SCARA5: variants seen among roughly 807,000 people sequenced by gnomAD.
The protein encoded by SCARA5 is scavenger receptor class A, member 5 (putative).
Under a neutral mutation model 46.3 loss-of-function variants are expected in SCARA5, and 45 were observed. The ratio of observed to expected loss-of-function variants is 0.97; its 90% CI spans 0.76 to 1.24. The LOEUF (loss-of-function observed/expected upper bound fraction) is 1.24. Ranked by LOEUF, SCARA5 falls within the 50% of genes most tolerant of loss-of-function variation. The pLI, the probability that SCARA5 is intolerant of heterozygous loss-of-function variation, is 0.00. For synonymous variants in SCARA5, 333 were observed against 306.5 expected, an observed-to-expected ratio of 1.09 and a Z score of -0.90; for missense variants, 680 against 689.0, an observed-to-expected ratio of 0.99 and a Z score of 0.15.
At chr8:27,881,693 A>T (rs1043759082) in intron 7 of SCARA5, among the ~76,000 whole-genome samples, 3 of 152,208 alleles carry the variant, frequency 2.0e-5, no homozygotes, top group African/African-American at 4.8e-5. Flanking sequence ...GAAATAATAA[A>T]CAATAAAATA....
chr8:27,908,025 G>A (rs900939784), intron 5 of SCARA5, among the ~76,000 whole-genome samples: 3 of 152,096 alleles, frequency 2.0e-5, no homozygotes, highest in African/African-American at 7.2e-5. Flanking sequence ...GAGAGATTAA[G>A]TAACTGCCCA....
At position 27,965,053 on chromosome 8, in the gene SCARA5, T is replaced by C. The variant is rs574944765; in HGVS notation, c.241+1361A>G. Among the ~76,000 whole-genome samples, 5 of 152,262 alleles carry C rather than the reference T, an allele frequency of 3.3e-5. No homozygotes were observed. In the South Asian group the frequency reaches 1.0e-3, roughly 32 times the overall value. On this transcript the variant is annotated intron_variant, in intron 3 of 8. Coordinates refer to ENST00000354914, the MANE Select transcript of SCARA5 (RefSeq NM_173833.6). ...GCCTGCGAGGGACCCTGCTGGCCCC[T>C]GTCCTCTGGTCCCAGGGATGAATAA...
intron 2 of SCARA5, among the ~76,000 whole-genome samples, chr8:27,981,482 G>A (rs964741672): frequency 6.6e-6 from 1 of 152,204 alleles, no homozygotes; most frequent in Non-Finnish European, 1.5e-5. Context: ...AGCCGGAGGA[G>A]TAAGTGCTCC....
chr8:27,935,656 C>T (rs537420860), intron 3 of SCARA5, among the ~76,000 whole-genome samples: 6 of 152,314 alleles, frequency 3.9e-5, no homozygotes, highest in African/African-American at 1.4e-4. Flanking sequence ...GATCTCAGCA[C>T]TGCCCAGCCA....
intron 3 of SCARA5, among the ~76,000 whole-genome samples, chr8:27,925,099 G>A (rs1383057951): frequency 6.6e-6 from 1 of 152,206 alleles, no homozygotes; most frequent in Non-Finnish European, 1.5e-5. Context: ...TCCCCATCAA[G>A]CTACCAATGA....
At chr8:27,947,884 A>G (rs949893661) in intron 3 of SCARA5, among the ~76,000 whole-genome samples, 1 of 152,096 alleles carries the variant, frequency 6.6e-6, no homozygotes, top group African/African-American at 2.4e-5. Flanking sequence ...TAAAAACATG[A>G]TAGACAAACA....
rs138214596 is a variant in SCARA5 at position 27,961,839 on chromosome 8, T to C, written c.241+4575A>G. 9.9e-3 allele frequency among the ~76,000 whole-genome samples: 1,513 copies of C among 152,364 alleles called. 10 individuals are homozygous for C. Among genetic ancestry groups the C allele is most frequent in the Non-Finnish European group, 0.015 (1,005 of 68,034 alleles). Reference sequence around the variant, plus strand: ...CCTGGGTAGCAATTCCATATTCATCTCAATTAGGTACTTGGTTAAAACTGA... The same window carrying C: ...CCTGGGTAGCAATTCCATATTCATCCCAATTAGGTACTTGGTTAAAACTGA... On this transcript the variant is annotated intron_variant, in intron 3 of 8. Transcript: ENST00000354914.
At chr8:27,874,242 TCA>T (rs1275483516) in intron 8 of SCARA5, among the ~76,000 whole-genome samples, 1 of 152,198 alleles carries the variant, frequency 6.6e-6, no homozygotes, top group African/African-American at 2.4e-5. Context: ...CATCTGTGCC[TCA>T]CACATAGAAA....
At chr8:27,956,021 A>T (rs1206510611) in intron 3 of SCARA5, among the ~76,000 whole-genome samples, 1 of 152,202 alleles carries the variant, frequency 6.6e-6, no homozygotes, top group South Asian at 2.1e-4. Context: ...CTGATTACAC[A>T]TTGGATTTGA....
At position 27,970,888 on chromosome 8, in the gene SCARA5, T is replaced by TA. The variant is rs550022213; in HGVS notation, c.113-4347dup. On this transcript the variant is annotated intron_variant, in intron 2 of 8. Transcript: ENST00000354914. ...AATTAACAAAATTTTGGCTTTTTTT[T>TA]AAAAAAAAACCCACTACTTCCTCAG... Among the ~76,000 whole-genome samples, 153 of 151,586 alleles carry TA rather than the reference T, an allele frequency of 1.0e-3. 1 individual carries two copies. The South Asian group carries it at 0.02, about 20-fold the overall frequency.
intron 3 of SCARA5, among the ~76,000 whole-genome samples, chr8:27,922,818 C>T (rs1035898408): frequency 1.3e-5 from 2 of 152,140 alleles, no homozygotes; most frequent in African/African-American, 2.4e-5. Context: ...GATTGAGTCA[C>T]GAGGGCAGAG....
At chr8:27,987,737 C>T in intron 1 of SCARA5, 107 bp from the exon 2 acceptor site, 2 of 681,324 alleles carry the variant, frequency 2.9e-6, no homozygotes, top group Non-Finnish European at 5.3e-6. Context: ...AAGGTGCCCA[C>T]CCCTGACCCT....
intron 3 of SCARA5, among the ~76,000 whole-genome samples, chr8:27,961,179 G>A (rs185609871): frequency 2.1e-4 from 32 of 152,350 alleles, no homozygotes; most frequent in African/African-American, 7.0e-4. Flanking sequence ...CAAATCTCAT[G>A]TTGAAGTCAG....
intron 3 of SCARA5, among the ~76,000 whole-genome samples, chr8:27,953,152 G>A (rs1221195481): frequency 6.6e-6 from 1 of 152,240 alleles, no homozygotes; most frequent in Non-Finnish European, 1.5e-5. Context: ...TGGAATGGAA[G>A]CATGAGGGAA....
At chr8:27,950,315 G>A (rs1808104159) in intron 3 of SCARA5, among the ~76,000 whole-genome samples, 2 of 152,272 alleles carry the variant, frequency 1.3e-5, no homozygotes, top group South Asian at 2.1e-4. Flanking sequence ...CCTGGAACCT[G>A]GTCCAGATCC....
chr8:27,984,548 C>CTAT (rs1563202283), intron 2 of SCARA5, among the ~76,000 whole-genome samples: 2 of 152,060 alleles, frequency 1.3e-5, no homozygotes, highest in African/African-American at 4.8e-5. Flanking sequence ...ATTCATCCAT[C>CTAT]CATCCATTCA....
At chr8:27,941,622 A>T (rs192232208) in intron 3 of SCARA5, among the ~76,000 whole-genome samples, 2 of 152,170 alleles carry the variant, frequency 1.3e-5, no homozygotes, top group Admixed American at 6.5e-5. Flanking sequence ...TGTTATTAAC[A>T]TCCTTTCCAT....
intron 8 of SCARA5, 74 bp from the exon 9 acceptor site, chr8:27,872,144 G>A: frequency 1.3e-6 from 2 of 1,536,788 alleles, no homozygotes; most frequent in East Asian, 2.3e-5. Flanking sequence ...GCATAACTGT[G>A]CCTGCCCTTG....
At chr8:27,945,192 A>G (rs926332093) in intron 3 of SCARA5, among the ~76,000 whole-genome samples, 4 of 152,058 alleles carry the variant, frequency 2.6e-5, no homozygotes, top group African/African-American at 9.7e-5. Context: ...AAAAAAAAAA[A>G]AGGAAACACT....
Sources: gnomAD v4.1 joint callset for allele counts (sites outside exome capture counted in the v4.1 genomes callset) on GRCh38, gnomAD v4.1.1 for gene constraint, MANE v1.5 for transcripts, NCBI Gene and HGNC (gene_info 2026-07-23, HGNC 2026-07-21) for gene names.